Variants in ANKRD6 observed in about 807,000 individuals in gnomAD.
The protein encoded by ANKRD6 is ankyrin repeat domain 6, also known as ankyrin repeat domain-containing protein 6.
Under a neutral mutation model 82.3 loss-of-function variants are expected in ANKRD6, and 56 were observed. That is an observed-to-expected ratio of 0.68 (90% CI 0.55 to 0.85). The LOEUF (loss-of-function observed/expected upper bound fraction) is 0.85. Ranked by LOEUF, ANKRD6 falls within the 40% of genes least tolerant of loss-of-function variation. ANKRD6 has a pLI of 0.00. For synonymous variants in ANKRD6, 347 were observed against 352.1 expected (o/e 0.99, Z 0.16); for missense variants, 852 against 907.6 (o/e 0.94, Z 0.79).
chr6:89,449,507 AG>A (rs1772542527), intron 1 of ANKRD6, among the ~76,000 whole-genome samples: 1 of 152,222 alleles, frequency 6.6e-6, no homozygotes, highest in Admixed American at 6.5e-5. Context: ...ATGAAGGGGA[AG>A]GCTCATGTTT....
At chr6:89,492,652 A>G (rs893677800) in intron 1 of ANKRD6, among the ~76,000 whole-genome samples, 11 of 152,348 alleles carry the variant, frequency 7.2e-5, no homozygotes, top group Admixed American at 5.9e-4. Flanking sequence ...GAAATGATCA[A>G]TTAATGTATA....
rs370322590 is a variant in ANKRD6 at position 89,567,030 on chromosome 6, G to T, written c.54G>T (p.Ala18=). 6.2e-7 allele frequency: 1 copy of T among 1,607,234 alleles called. No homozygotes were observed. The highest frequency in any genetic ancestry group is 1.7e-5 in the Admixed American group (1 of 59,266). ...TTTCAGAGCGCCTTCTCGTAGCTGC[G>T]TACAAAGGCCAAACAGAGAATGTGG... is the stretch of plus-strand genomic sequence containing the variant. ...AALSERLLVA[A]YKGQTENVVQ... is the part of the protein sequence containing the mutation. Residue 18 remains alanine, a synonymous_variant, in exon 2 of 16, where the codon GCG becomes GCT. Transcript: ENST00000339746.
chr6:89,470,297 A>G (rs1373864471), intron 1 of ANKRD6, among the ~76,000 whole-genome samples: 1 of 152,202 alleles, frequency 6.6e-6, no homozygotes, highest in East Asian at 1.9e-4. Context: ...AAATGGCTGT[A>G]AAGTATTCCA....
intron 1 of ANKRD6, among the ~76,000 whole-genome samples, chr6:89,547,834 T>A (rs915771710): frequency 6.6e-6 from 1 of 152,212 alleles, no homozygotes; most frequent in Non-Finnish European, 1.5e-5. Flanking sequence ...GCATTTCCTA[T>A]GTTCATCACT....
chr6:89,599,944 G>T (rs1289594258), intron 3 of ANKRD6, among the ~76,000 whole-genome samples: 1 of 152,108 alleles, frequency 6.6e-6, no homozygotes, highest in Non-Finnish European at 1.5e-5. Context: ...TGAGGTCTCT[G>T]TCTGAGAGGA....
At chr6:89,617,465 C>T (rs1801876047) in intron 8 of ANKRD6, among the ~76,000 whole-genome samples, 1 of 152,204 alleles carries the variant, frequency 6.6e-6, no homozygotes, top group Admixed American at 6.5e-5. Context: ...AGTTGCTTTT[C>T]ATATTCAACT....
intron 9 of ANKRD6, among the ~76,000 whole-genome samples, chr6:89,618,976 G>A (rs542636602): frequency 2.0e-4 from 30 of 152,184 alleles, no homozygotes; most frequent in Non-Finnish European, 3.1e-4. Context: ...GGAGTCAAAG[G>A]AAGATTTTGA....
chr6:89,436,904 A>G (rs1770703663), intron 1 of ANKRD6, among the ~76,000 whole-genome samples: 1 of 152,090 alleles, frequency 6.6e-6, no homozygotes, highest in African/African-American at 2.4e-5. Flanking sequence ...AGAAATAGCT[A>G]TGTTCTCTCT....
At chr6:89,458,074 C>T (rs974499298) in intron 1 of ANKRD6, among the ~76,000 whole-genome samples, 2 of 152,170 alleles carry the variant, frequency 1.3e-5, no homozygotes, top group African/African-American at 4.8e-5. Flanking sequence ...TCACCAGATT[C>T]CAAATCTTCT....
At chr6:89,436,256 T>A (rs1205865163) in intron 1 of ANKRD6, among the ~76,000 whole-genome samples, 1 of 152,236 alleles carries the variant, frequency 6.6e-6, no homozygotes. Context: ...ACACTGCCAC[T>A]CTCATTTCCT....
intron 2 of ANKRD6, among the ~76,000 whole-genome samples, chr6:89,577,836 AT>A (rs1791487181): frequency 1.3e-5 from 2 of 152,184 alleles, no homozygotes; most frequent in South Asian, 4.1e-4. Context: ...AACAACAAAA[AT>A]GCTGGTCCTT....
At chr6:89,565,092 C>T (rs1388780399) in intron 1 of ANKRD6, among the ~76,000 whole-genome samples, 1 of 152,208 alleles carries the variant, frequency 6.6e-6, no homozygotes, top group East Asian at 1.9e-4. Flanking sequence ...AAAGATAAAG[C>T]CCAGACTGTG....
rs917498765 is a variant in ANKRD6 at position 89,630,826 on chromosome 6, A to G, written c.2006A>G (p.Gln669Arg). 3.7e-6 allele frequency: 6 copies of G among 1,613,852 alleles called. No individual in the cohort carries two copies. The highest frequency in any genetic ancestry group is 5.1e-6 in the Non-Finnish European group (6 of 1,179,904). Reference sequence around the variant, plus strand: ...ACCTCCCAAGCTCTGGAGCTTACCCAGTATTTTTTTGAGGCTGTTTCTACC... The same window carrying G: ...ACCTCCCAAGCTCTGGAGCTTACCCGGTATTTTTTTGAGGCTGTTTCTACC... ...RDTSQALELT[Q>R]YFFEAVSTQM... Residue 669 changes from glutamine (Q) to arginine (R), a missense_variant, in exon 16 of 16, where the codon CAG (glutamine) becomes CGG (arginine). Coordinates refer to ENST00000339746, the MANE Select transcript of ANKRD6 (RefSeq NM_001242809.2).
chr6:89,531,606 T>G (rs1783152114), intron 1 of ANKRD6, among the ~76,000 whole-genome samples: 1 of 152,202 alleles, frequency 6.6e-6, no homozygotes, highest in Non-Finnish European at 1.5e-5. Context: ...GGCAGACCAT[T>G]TAAAAAATTG....
intron 2 of ANKRD6, among the ~76,000 whole-genome samples, chr6:89,592,805 C>G: frequency 6.6e-6 from 1 of 152,094 alleles, no homozygotes; most frequent in Non-Finnish European, 1.5e-5. Flanking sequence ...CACAAAAAAA[C>G]GTTGCCAGGC....
chr6:89,449,819 G>A (rs1020585566), intron 1 of ANKRD6, among the ~76,000 whole-genome samples: 1 of 151,976 alleles, frequency 6.6e-6, no homozygotes, highest in Non-Finnish European at 1.5e-5. Flanking sequence ...TCTAACTCCC[G>A]AAAAAATTTA....
At chr6:89,540,066 CT>C (rs1784292137) in intron 1 of ANKRD6, among the ~76,000 whole-genome samples, 1 of 152,132 alleles carries the variant, frequency 6.6e-6, no homozygotes, top group Admixed American at 6.6e-5. Context: ...CAAATCTTAG[CT>C]ATTATAAACA....
At chr6:89,443,616 T>TA (rs1460593754) in intron 1 of ANKRD6, among the ~76,000 whole-genome samples, 1 of 151,808 alleles carries the variant, frequency 6.6e-6, no homozygotes, top group African/African-American at 2.4e-5. Flanking sequence ...TAGCTGGGAC[T>TA]ACAGGCGCAT....
chr6:89,525,798 T>C (rs1017529367), intron 1 of ANKRD6, among the ~76,000 whole-genome samples: 2 of 152,230 alleles, frequency 1.3e-5, no homozygotes, highest in Non-Finnish European at 1.5e-5. Flanking sequence ...GGAATTTGGC[T>C]CTCTGTCTAA....
Sources: gnomAD v4.1 joint callset for allele counts (sites outside exome capture counted in the v4.1 genomes callset) on GRCh38, gnomAD v4.1.1 for gene constraint, MANE v1.5 for transcripts, NCBI Gene and HGNC (gene_info 2026-07-23, HGNC 2026-07-21) for gene names.